The following UVSSA variants were observed in gnomAD, a reference collection of about 807,000 sequenced individuals.
UVSSA encodes the protein UV-stimulated scaffold protein A.
In UVSSA, 72 loss-of-function variants were observed where a neutral mutation model predicts 73.9. That is an observed-to-expected ratio of 0.97 (90% CI 0.81 to 1.19). UVSSA has a LOEUF of 1.19. UVSSA is among the 50% of genes most tolerant of loss of function. UVSSA has a pLI of 0.00. For synonymous variants in UVSSA, 454 were observed against 391.3 expected (o/e 1.16, Z -1.89); for missense variants, 1,150 against 965.0 (o/e 1.19, Z -2.54).
intron 12 of UVSSA, among the ~76,000 whole-genome samples, chr4:1,381,223 C>G (rs916552762): frequency 1.3e-5 from 2 of 152,192 alleles, no homozygotes; most frequent in Admixed American, 6.5e-5. Flanking sequence ...TCATGAGGCC[C>G]TGACCGGGAG....
intron 3 of UVSSA, 23 bp from the exon 4 acceptor site, chr4:1,351,692 A>G (rs1487468595): frequency 6.2e-7 from 1 of 1,610,648 alleles, no homozygotes; most frequent in Non-Finnish European, 8.5e-7. Context: ...CCTGTCCCCT[A>G]GTCTTTATTT....
chr4:1,376,915 A>G (rs1718844713), intron 10 of UVSSA, among the ~76,000 whole-genome samples: 1 of 152,146 alleles, frequency 6.6e-6, no homozygotes, highest in Non-Finnish European at 1.5e-5. Flanking sequence ...TCTTCCTTAG[A>G]GGGCAGAGGT....
chr4:1,342,571 C>G (rs1335821437), upstream of UVSSA, among the ~76,000 whole-genome samples: 2 of 152,080 alleles, frequency 1.3e-5, no homozygotes, highest in Non-Finnish European at 2.9e-5. Context: ...AAAAAAAAAT[C>G]TGCCTATTCC....
chr4:1,346,915 G>A (rs938515921), upstream of UVSSA, among the ~76,000 whole-genome samples: 13 of 152,210 alleles, frequency 8.5e-5, no homozygotes, highest in Non-Finnish European at 1.6e-4. Flanking sequence ...AGCCTGCCTC[G>A]CCCTCGCCGG....
rs1325257925 is a variant in UVSSA at position 1,379,803 on chromosome 4, C to T, written c.1569-244C>T. ...GCAGGCGGTCGTGCCCGTGGTCGCG[C>T]GGCTGGTTCACGTGGCATCAGAATT... is the stretch of plus-strand genomic sequence containing the variant. On this transcript the variant is annotated intron_variant, in intron 10 of 13. Coordinates refer to ENST00000389851, the MANE Select transcript of UVSSA (RefSeq NM_020894.4). 3.2e-4 allele frequency among the ~76,000 whole-genome samples: 6 copies of T among 18,632 alleles called. 1 individual carries two copies. Among genetic ancestry groups the T allele is most frequent in the African/African-American group, 4.6e-4 (2 of 4,382 alleles). The allele number at this position is 18,632 out of a possible 152,430, so 12.2% of individuals were successfully genotyped here. A position where few individuals can be genotyped will look rare whatever the true frequency, so the allele number is the denominator to read the frequency against.
At position 1,386,101 on chromosome 4, in the gene UVSSA, G is replaced by A; in HGVS notation, c.*140G>A. The A allele has an allele frequency of 1.1e-6, 1 of 908,420 alleles. No homozygotes were observed. The highest frequency in any genetic ancestry group is 1.7e-6 in the Non-Finnish European group (1 of 583,724). The allele number at this position is 908,420 out of a possible 1,614,324, so 56.3% of individuals were successfully genotyped here. On this transcript the variant is annotated 3_prime_UTR_variant, in exon 14 of 14. Coordinates refer to ENST00000389851, the MANE Select transcript of UVSSA (RefSeq NM_020894.4). ...ATGTAAAGAAATGGTGTGTTGCAAT[G>A]CCCTGAAGGTACGGCCGCTCTGCTG...
rs1714335522 is a variant in UVSSA, at chr4:1,349,506, GC to G, written c.99-16del. On this transcript the variant is annotated splice_polypyrimidine_tract_variant and intron_variant, in intron 2 of 13. Transcript: ENST00000389851. ...TCTGCGTGTGGGGCAGTTGGGTCAG[GC>G]CAGCTCGCATCCCCAGGTCTTCAGA... is the stretch of plus-strand genomic sequence containing the variant. The G allele has an allele frequency of 3.1e-6, 5 of 1,607,958 alleles. No individual in the cohort carries two copies.
chr4:1,376,193 G>A (rs367597079), intron 10 of UVSSA, 25 bp downstream of exon 10: 6 of 1,592,928 alleles, frequency 3.8e-6, no homozygotes, highest in South Asian at 2.2e-5. Context: ...GTCTGAAGTC[G>A]GCCAGGGCAC....
chr4:1,385,495 C>A, intron 13 of UVSSA: 1 of 300,978 alleles, frequency 3.3e-6, no homozygotes. Context: ...GCTGTCCTGA[C>A]GCCTCCTGGC....
intron 3 of UVSSA, among the ~76,000 whole-genome samples, chr4:1,350,063 G>T (rs1488659381): frequency 6.6e-6 from 1 of 152,204 alleles, no homozygotes; most frequent in Admixed American, 6.5e-5. Context: ...GGGCGGCGCA[G>T]CTCTGAGAGG....
chr4:1,350,176 A>G (rs1167676963), intron 3 of UVSSA, among the ~76,000 whole-genome samples: 1 of 152,182 alleles, frequency 6.6e-6, no homozygotes, highest in South Asian at 2.1e-4. Context: ...TTTCAGATGC[A>G]ACGTTTTCTG....
upstream of UVSSA, among the ~76,000 whole-genome samples, chr4:1,342,629 G>A (rs1417047516): frequency 6.6e-6 from 1 of 152,168 alleles, no homozygotes; most frequent in East Asian, 1.9e-4. Flanking sequence ...CGGCTTTTAA[G>A]TCTGTAACAC....
At chr4:1,382,451 G>A (rs537615063) in intron 12 of UVSSA, among the ~76,000 whole-genome samples, 2 of 152,224 alleles carry the variant, frequency 1.3e-5, no homozygotes, top group South Asian at 2.1e-4. Context: ...GACAATGTGC[G>A]TGCTGCTGCA....
chr4:1,378,158 C>T (rs906835667), intron 10 of UVSSA, among the ~76,000 whole-genome samples: 4 of 152,158 alleles, frequency 2.6e-5, no homozygotes, highest in South Asian at 2.1e-4. Context: ...GATGCGGGTC[C>T]GGGAAGCCAG....
intron 3 of UVSSA, 47 bp from the exon 4 acceptor site, chr4:1,351,668 C>T (rs148899895): frequency 0.018 from 28,376 of 1,596,866 alleles, 297 homozygotes; most frequent in Non-Finnish European, 0.021. Flanking sequence ...GGATTACAGG[C>T]GTGAGCCACC....
chr4:1,377,792 C>A (rs1164448352), intron 10 of UVSSA, among the ~76,000 whole-genome samples: 1 of 152,286 alleles, frequency 6.6e-6, no homozygotes. Flanking sequence ...CAGCACCACG[C>A]ACCTGGTGCA....
rs201123689 is a variant in UVSSA, at chr4:1,395,405, G to C, written c.*9444G>C. The C allele has an allele frequency of 3.5e-5, 56 of 1,584,408 alleles. No individual in the cohort carries two copies. Among genetic ancestry groups the C allele is most frequent in the Non-Finnish European group, 4.4e-5 (52 of 1,168,820 alleles). On this transcript the variant is annotated 3_prime_UTR_variant, in exon 14 of 14. Transcript: ENST00000511216. ...GCCTGCTCACACGTGCCCATGTGGAGTGCCCGCCTGCTCACACGTGCCGAC... is the reference window on the plus strand; with the variant it reads ...GCCTGCTCACACGTGCCCATGTGGACTGCCCGCCTGCTCACACGTGCCGAC...
exon 14 of UVSSA, chr4:1,394,402 C>G: frequency 6.5e-7 from 1 of 1,538,088 alleles, no homozygotes; most frequent in South Asian, 1.2e-5. Flanking sequence ...TTATGGGTTT[C>G]ATTTTCATAT....
intron 7 of UVSSA, among the ~76,000 whole-genome samples, chr4:1,357,565 A>T (rs1453957648): frequency 6.6e-6 from 1 of 152,024 alleles, no homozygotes; most frequent in East Asian, 1.9e-4. Context: ...CCGAGTCAGG[A>T]CTCTAATTCA....
Sources: allele counts gnomAD v4.1 joint callset (sites outside exome capture counted in the v4.1 genomes callset), GRCh38; gene constraint gnomAD v4.1.1; transcripts MANE v1.5; gene names NCBI Gene and HGNC (gene_info 2026-07-23, HGNC 2026-07-21).